Variants in DROSHA observed in about 807,000 individuals in gnomAD.
DROSHA encodes ribonuclease 3.
In DROSHA, 56 loss-of-function variants were observed where a neutral mutation model predicts 181.9. That is an observed-to-expected ratio of 0.31 (90% CI 0.25 to 0.38). The LOEUF is 0.38. Among genes scored for constraint, DROSHA ranks in the 10% least tolerant of loss-of-function variants. The probability of loss-of-function intolerance (pLI) is 1.00; values close to 1 mark genes in which losing one functional copy is unlikely to be tolerated. For synonymous variants in DROSHA, 524 were observed against 591.2 expected (o/e 0.89, Z 1.65); for missense variants, 1,218 against 1,743.5 (o/e 0.70, Z 5.37).
At chr5:31,476,860 C>G (rs750406197) in intron 16 of DROSHA, among the ~76,000 whole-genome samples, 8 of 152,174 alleles carry the variant, frequency 5.3e-5, no homozygotes, top group African/African-American at 1.9e-4. Flanking sequence ...AGACTAATAA[C>G]TTGGCCACTC....
Position 31,483,646 on chromosome 5 carries a change from G to A in DROSHA, c.1997-18C>T, listed in dbSNP as rs1368982826. 1,254 of 1,235,448 alleles carry A rather than the reference G, an allele frequency of 1.0e-3. No individual in the cohort carries two copies. Among genetic ancestry groups the A allele is most frequent in the South Asian group, 3.0e-3 (198 of 65,024 alleles). 76.5% of individuals were successfully genotyped at this position (1,235,448 alleles called of 1,614,324 possible). On this transcript the variant is annotated intron_variant, in intron 15 of 35. Coordinates refer to ENST00000344624, the MANE Select transcript of DROSHA (RefSeq NM_001382508.1). ...CAAAGGACCTGAAGCAAACAAATGAGAAAAAAAAAAAAAAAAGAAAACTCA... is the reference window on the plus strand; with the variant it reads ...CAAAGGACCTGAAGCAAACAAATGAAAAAAAAAAAAAAAAAAGAAAACTCA...
At chr5:31,449,736 A>G (rs1397557824) in intron 21 of DROSHA, among the ~76,000 whole-genome samples, 2 of 152,146 alleles carry the variant, frequency 1.3e-5, no homozygotes, top group East Asian at 3.9e-4. Flanking sequence ...CAAAAAACAA[A>G]AACAAAACAA....
intron 13 of DROSHA, among the ~76,000 whole-genome samples, chr5:31,488,373 A>T (rs567454289): frequency 6.8e-6 from 1 of 148,148 alleles, no homozygotes; most frequent in South Asian, 2.1e-4. Flanking sequence ...AGATCATGCC[A>T]CTTCACTCCA....
At chr5:31,517,318 A>G (rs1260178753) in intron 6 of DROSHA, among the ~76,000 whole-genome samples, 2 of 152,198 alleles carry the variant, frequency 1.3e-5, no homozygotes, top group East Asian at 1.9e-4. Context: ...TACAACTTTT[A>G]TAAAGTCAAA....
Position 31,471,697 on chromosome 5 carries a change from T to C in DROSHA, c.2241+366A>G, listed in dbSNP as rs1580209675. Reference sequence around the variant, plus strand: ...AAATACAAAACTGAACTAAGACATTTCCCGCCCCCCAACTCTCATCAAATT... The same window carrying C: ...AAATACAAAACTGAACTAAGACATTCCCCGCCCCCCAACTCTCATCAAATT... On this transcript the variant is annotated intron_variant, in intron 17 of 35. Coordinates refer to ENST00000344624, the MANE Select transcript of DROSHA (RefSeq NM_001382508.1). Among the ~76,000 whole-genome samples the C allele has an allele frequency of 2.0e-5, 3 of 152,066 alleles. No individual in the cohort carries two copies. The South Asian group carries it at 6.2e-4, about 32-fold the overall frequency.
At chr5:31,401,654 T>C (rs1338712706) in intron 35 of DROSHA, 92 bp from the exon 36 acceptor site, 1 of 770,404 alleles carries the variant, frequency 1.3e-6, no homozygotes. Flanking sequence ...CACATACAAA[T>C]ATACGTGCAT....
rs1173905095 is a variant in DROSHA at position 31,515,535 on chromosome 5, G to A, written c.977C>T (p.Pro326Leu). ...RSYGLSVVPE[P>L]AGCTPELPGE... ...AGGTAATTCTGGTGTGCATCCAGCA[G>A]GTTCAGGAACAACCGATAAACCGTA... The change falls in exon 7 of 36, where the codon CCT (proline) becomes CTT (leucine). Residue 326 changes from proline (P) to leucine (L), a missense_variant. This residue lies in a region of DROSHA where 536 missense variants were observed against 535.4 expected (regional missense o/e 1.00). Transcript: ENST00000344624. The A allele has an allele frequency of 3.9e-6, 6 of 1,548,916 alleles. No homozygotes were observed. Among genetic ancestry groups the A allele is most frequent in the Non-Finnish European group, 5.2e-6 (6 of 1,144,452 alleles).
rs898155899 is a variant in DROSHA at position 31,462,821 on chromosome 5, A to G, written c.2574+1415T>C. 5.3e-5 allele frequency among the ~76,000 whole-genome samples: 8 copies of G among 150,536 alleles called. No individual in the cohort carries two copies. In the East Asian group the frequency reaches 8.0e-4, roughly 15 times the overall value. ...ATCTTTTTACAAATAATGGCTCTAG[A>G]AGGGTTTTGTATGAAAAAAAAATAC... On this transcript the variant is annotated intron_variant, in intron 20 of 35. Coordinates refer to ENST00000344624, the MANE Select transcript of DROSHA (RefSeq NM_001382508.1).
intron 20 of DROSHA, among the ~76,000 whole-genome samples, chr5:31,459,638 G>A (rs1032139352): frequency 8.5e-5 from 13 of 152,064 alleles, no homozygotes; most frequent in Admixed American, 8.5e-4. Flanking sequence ...CCTTCAACTT[G>A]CTGTCCAAAG....
chr5:31,417,713 G>A (rs565908874), intron 30 of DROSHA, among the ~76,000 whole-genome samples: 16 of 152,260 alleles, frequency 1.1e-4, no homozygotes, highest in South Asian at 6.2e-4. Context: ...ACTGAGAACT[G>A]GGCCACTCCA....
chr5:31,500,170 A>G (rs1338380888), intron 11 of DROSHA, among the ~76,000 whole-genome samples: 1 of 152,090 alleles, frequency 6.6e-6, no homozygotes, highest in Non-Finnish European at 1.5e-5. Context: ...ACACCCCTCA[A>G]CCAGTCTCCC....
At chr5:31,502,574 T>A (rs1377647287) in intron 11 of DROSHA, among the ~76,000 whole-genome samples, 1 of 151,898 alleles carries the variant, frequency 6.6e-6, no homozygotes, top group African/African-American at 2.4e-5. Flanking sequence ...AAGGCAGGAG[T>A]GGTACTGCCA....
intron 13 of DROSHA, among the ~76,000 whole-genome samples, chr5:31,490,086 G>C (rs1385650153): frequency 6.6e-5 from 10 of 151,702 alleles, no homozygotes; most frequent in Admixed American, 6.6e-4. Flanking sequence ...ATATTGGCCA[G>C]GCTGGTCTCA....
chr5:31,408,942 A>G, intron 33 of DROSHA, 114 bp downstream of exon 33: 1 of 960,076 alleles, frequency 1.0e-6, no homozygotes, highest in East Asian at 2.6e-5. Context: ...AAGAAGTCTC[A>G]ATCCTGGGCT....
intron 9 of DROSHA, among the ~76,000 whole-genome samples, chr5:31,510,051 G>GAAA (rs4049955): frequency 0.076 from 8,511 of 112,584 alleles, 682 homozygotes; most frequent in African/African-American, 0.19. Context: ...ACCACAATTT[G>GAAA]AAAAAAAAAA....
At chr5:31,472,761 A>G (rs906026596) in intron 16 of DROSHA, among the ~76,000 whole-genome samples, 1 of 152,366 alleles carries the variant, frequency 6.6e-6, no homozygotes, top group South Asian at 2.1e-4. Context: ...CATGATGAAC[A>G]GAGCTAAAGA....
At chr5:31,468,165 C>T in intron 17 of DROSHA, 102 bp from the exon 18 acceptor site, 2 of 1,375,104 alleles carry the variant, frequency 1.5e-6, no homozygotes, top group Non-Finnish European at 2.0e-6. Context: ...TCCAGGAAAG[C>T]CTTGTCCCCA....
chr5:31,439,937 AG>A (rs1745372227), intron 23 of DROSHA, among the ~76,000 whole-genome samples: 1 of 152,150 alleles, frequency 6.6e-6, no homozygotes, highest in Non-Finnish European at 1.5e-5. Context: ...CACTAACTAC[AG>A]GGGCTTTCTT....
intron 30 of DROSHA, 137 bp downstream of exon 30, chr5:31,421,135 A>C: frequency 1.5e-6 from 1 of 673,994 alleles, no homozygotes; most frequent in South Asian, 2.1e-5. Context: ...CAATTTGCAC[A>C]ATGAAATGAA....
Sources: gnomAD v4.1 joint callset for allele counts (sites outside exome capture counted in the v4.1 genomes callset) on GRCh38, gnomAD v4.1.1 for gene constraint, gnomAD v4.1.1 regional missense constraint, MANE v1.5 for transcripts, NCBI Gene and HGNC (gene_info 2026-07-23, HGNC 2026-07-21) for gene names.